MAML3: variants seen among roughly 807,000 people sequenced by gnomAD.
The protein encoded by MAML3 is mastermind like transcriptional coactivator 3.
MAML3 carries 27 observed loss-of-function variants against 101.9 expected under a neutral mutation model. The observed-to-expected ratio is 0.27, with a 90% CI of 0.20 to 0.37. The LOEUF is 0.37. Among genes scored for constraint, MAML3 ranks in the 10% least tolerant of loss-of-function variants. The probability of loss-of-function intolerance (pLI) is 1.00; values close to 1 mark genes in which losing one functional copy is unlikely to be tolerated. For synonymous variants in MAML3, 501 were observed against 555.9 expected (o/e 0.90, Z 1.39); for missense variants, 1,316 against 1,444.9 (o/e 0.91, Z 1.45).
intron 2 of MAML3, among the ~76,000 whole-genome samples, chr4:139,809,614 C>T (rs932722956): frequency 4.6e-5 from 7 of 152,142 alleles, no homozygotes; most frequent in East Asian, 1.9e-4. Context: ...AACAGTCCAT[C>T]GTAAGTACAG....
Position 140,019,105 on chromosome 4 carries a change from A to T in MAML3, c.469-128138T>A, listed in dbSNP as rs753840914. Among the ~76,000 whole-genome samples the T allele has an allele frequency of 6.9e-5, 10 of 145,360 alleles. 1 individual carries two copies. Among genetic ancestry groups the T allele is most frequent in the Non-Finnish European group, 1.0e-4 (7 of 67,966 alleles). On this transcript the variant is annotated intron_variant, in intron 1 of 4. Coordinates refer to ENST00000509479, the MANE Select transcript of MAML3 (RefSeq NM_018717.5). ...TTCTGTTCACTAATCTTTTAGGTTA[A>T]CTCTGCCCTCCGCCCACACTGAACT...
In MAML3 at chr4:139,865,878, C is replaced by T. The variant is rs548711509; in HGVS notation, c.2079+23479G>A. Among the ~76,000 whole-genome samples, 86 of 152,362 alleles carry T rather than the reference C, an allele frequency of 5.6e-4. 2 individuals carry two copies. In the South Asian group the frequency reaches 0.015, roughly 27 times the overall value. The stretch of plus-strand genomic sequence containing the variant: ...ACCTCTAGACCATTCTTTGGATACC[C>T]GGAGCCCCAGATTCTCTGCTTAGAG... On this transcript the variant is annotated intron_variant, in intron 2 of 4. Transcript: ENST00000509479.
At chr4:140,118,548 T>G (rs752784337) in intron 1 of MAML3, among the ~76,000 whole-genome samples, 1 of 152,076 alleles carries the variant, frequency 6.6e-6, no homozygotes, top group Non-Finnish European at 1.5e-5. Context: ...GTATATAACA[T>G]TGAAAATATT....
intron 1 of MAML3, among the ~76,000 whole-genome samples, chr4:140,034,950 C>T (rs1276019165): frequency 6.6e-6 from 1 of 152,170 alleles, no homozygotes. Flanking sequence ...AAAATGTATT[C>T]AGTTGTCCAA....
intron 1 of MAML3, among the ~76,000 whole-genome samples, chr4:140,091,249 C>T (rs1209500179): frequency 6.6e-6 from 1 of 152,092 alleles, no homozygotes; most frequent in African/African-American, 2.4e-5. Context: ...TCTCCTTGCT[C>T]GCAGCAAAGC....
At chr4:140,078,093 A>T (rs1316981846) in intron 1 of MAML3, among the ~76,000 whole-genome samples, 3 of 152,180 alleles carry the variant, frequency 2.0e-5, no homozygotes, top group Admixed American at 6.5e-5. Flanking sequence ...CTGGAAATGA[A>T]TCAGTCGCAA....
chr4:140,040,170 G>T (rs1312695391), intron 1 of MAML3, among the ~76,000 whole-genome samples: 1 of 152,204 alleles, frequency 6.6e-6, no homozygotes, highest in African/African-American at 2.4e-5. Flanking sequence ...AGAAGTGGGA[G>T]AGAGAGCATC....
chr4:140,051,247 C>T (rs1447529045), intron 1 of MAML3, among the ~76,000 whole-genome samples: 1 of 152,114 alleles, frequency 6.6e-6, no homozygotes, highest in Non-Finnish European at 1.5e-5. Flanking sequence ...AGCAGTAAGT[C>T]AGATGATTAT....
intron 2 of MAML3, among the ~76,000 whole-genome samples, chr4:139,883,816 T>A (rs1732268866): frequency 6.6e-6 from 1 of 151,272 alleles, no homozygotes; most frequent in African/African-American, 2.4e-5. Flanking sequence ...AGGTAAATAA[T>A]ATATACATCA....
chr4:139,867,130 A>T (rs921477247), intron 2 of MAML3, among the ~76,000 whole-genome samples: 2 of 152,244 alleles, frequency 1.3e-5, no homozygotes, highest in African/African-American at 2.4e-5. Context: ...GAAAGTTGCA[A>T]TGGGAATACT....
chr4:139,888,502 C>A (rs6839194), intron 2 of MAML3: 201,343 of 517,668 alleles, frequency 0.39, 41,999 homozygotes, highest in Non-Finnish European at 0.45. Flanking sequence ...CAGGGTAGAA[C>A]AAATGTTATA....
chr4:139,885,290 C>T (rs1202971390), intron 2 of MAML3, among the ~76,000 whole-genome samples: 2 of 151,634 alleles, frequency 1.3e-5, no homozygotes, highest in Admixed American at 6.6e-5. Flanking sequence ...GCCTGTAGTC[C>T]CAGCTGCTTG....
intron 1 of MAML3, among the ~76,000 whole-genome samples, chr4:139,905,577 G>A (rs1157890827): frequency 6.6e-6 from 1 of 151,626 alleles, no homozygotes; most frequent in East Asian, 1.9e-4. Context: ...AGTTTTCTAG[G>A]GCTGCCATAA....
At chr4:139,856,799 A>G (rs1731671068) in intron 2 of MAML3, among the ~76,000 whole-genome samples, 1 of 152,250 alleles carries the variant, frequency 6.6e-6, no homozygotes, top group Admixed American at 6.5e-5. Context: ...CTTTGTTATT[A>G]TTGAATAATT....
intron 1 of MAML3, among the ~76,000 whole-genome samples, chr4:140,009,897 T>C (rs529286127): frequency 1.3e-5 from 2 of 152,326 alleles, no homozygotes; most frequent in East Asian, 3.9e-4. Context: ...ATATCATTAA[T>C]TAGACATTCT....
chr4:140,121,030 A>C (rs948025312), intron 1 of MAML3, among the ~76,000 whole-genome samples: 6 of 152,244 alleles, frequency 3.9e-5, no homozygotes, highest in Non-Finnish European at 7.3e-5. Context: ...AAGTTTACAG[A>C]AGAGTTGTTT....
chr4:140,134,696 T>G, intron 1 of MAML3: 1 of 267,110 alleles, frequency 3.7e-6, no homozygotes. Context: ...AAAAAGAAAT[T>G]CGCTTGTCCC....
intron 2 of MAML3, among the ~76,000 whole-genome samples, chr4:139,871,230 C>T (rs1349480753): frequency 4.6e-5 from 7 of 152,070 alleles, no homozygotes. Flanking sequence ...CTAGATAAGC[C>T]CCAAATTCAC....
At chr4:139,905,984 G>A (rs2111217859) in intron 1 of MAML3, among the ~76,000 whole-genome samples, 1 of 152,266 alleles carries the variant, frequency 6.6e-6, no homozygotes, top group South Asian at 2.1e-4. Context: ...TGCATGGCTG[G>A]TTAAGCAAAC....
Sources: allele counts gnomAD v4.1 joint callset (sites outside exome capture counted in the v4.1 genomes callset), GRCh38; gene constraint gnomAD v4.1.1; transcripts MANE v1.5; gene names NCBI Gene and HGNC (gene_info 2026-07-23, HGNC 2026-07-21).